The following IGF2BP3 variants were observed in gnomAD, a reference collection of about 807,000 sequenced individuals.
IGF2BP3 encodes insulin like growth factor 2 mRNA binding protein 3.
A neutral mutation model predicts 73.8 loss-of-function variants in IGF2BP3; 9 were observed. The ratio of observed to expected loss-of-function variants is 0.12; its 90% CI spans 0.07 to 0.21. IGF2BP3 has a LOEUF of 0.21. Among genes scored for constraint, IGF2BP3 ranks in the 10% least tolerant of loss-of-function variants. IGF2BP3 has a pLI of 1.00. For synonymous variants in IGF2BP3, 258 were observed against 256.7 expected (o/e 1.01, Z -0.05); for missense variants, 542 against 714.0 (o/e 0.76, Z 2.75).
At chr7:23,320,158 C>A (rs369203945) in intron 10 of IGF2BP3, among the ~76,000 whole-genome samples, 2 of 152,084 alleles carry the variant, frequency 1.3e-5, no homozygotes, top group Admixed American at 6.5e-5. Context: ...ATGATCCACC[C>A]GCCTTGGCCT....
chr7:23,368,878 C>T (rs759377425), intron 3 of IGF2BP3, among the ~76,000 whole-genome samples: 5 of 147,406 alleles, frequency 3.4e-5, no homozygotes, highest in Non-Finnish European at 7.4e-5. Context: ...GCCTGGGCCA[C>T]GAGAGCAAAA....
Position 23,358,295 on chromosome 7 carries a change from T to C in IGF2BP3, c.401+3239A>G, listed in dbSNP as rs574799784. ...CTTTCACAAGTACATCAAGGTCACA[T>C]AGCCTTCCAAACAACAGATGTTACA... On this transcript the variant is annotated intron_variant, in intron 5 of 14. Transcript: ENST00000258729. Among the ~76,000 whole-genome samples, 25 of 152,308 alleles carry C rather than the reference T, an allele frequency of 1.6e-4. No homozygotes were observed. In the South Asian group the frequency reaches 1.7e-3, roughly 10 times the overall value.
intron 2 of IGF2BP3, among the ~76,000 whole-genome samples, chr7:23,453,327 T>C (rs924060798): frequency 6.6e-6 from 1 of 152,208 alleles, no homozygotes; most frequent in African/African-American, 2.4e-5. Context: ...AGATAGGCAA[T>C]TGCAAAATGT....
rs1194713972 is a variant in IGF2BP3, at chr7:23,319,394, C to T, written c.1204-140G>A. ...AGGAAAAGCTACCATAAGAAGTTGACCAGACCTTACCTAATAGGTCAAGAA... is the reference window on the plus strand; with the variant it reads ...AGGAAAAGCTACCATAAGAAGTTGATCAGACCTTACCTAATAGGTCAAGAA... On this transcript the variant is annotated intron_variant, in intron 10 of 14. Coordinates refer to ENST00000258729, the MANE Select transcript of IGF2BP3 (RefSeq NM_006547.3). 4 of 627,032 alleles carry T rather than the reference C, an allele frequency of 6.4e-6. No homozygotes were observed. In the African/African-American group the frequency reaches 7.4e-5, roughly 12 times the overall value. The allele number at this position is 627,032 out of a possible 1,614,324, so 38.8% of individuals were successfully genotyped here.
intron 5 of IGF2BP3, among the ~76,000 whole-genome samples, chr7:23,353,529 G>A (rs2128505550): frequency 6.6e-6 from 1 of 152,256 alleles, no homozygotes; most frequent in East Asian, 1.9e-4. Flanking sequence ...ACCCTCCAAG[G>A]CCCTTCCCAG....
intron 3 of IGF2BP3, among the ~76,000 whole-genome samples, chr7:23,377,332 C>T (rs1347577513): frequency 1.3e-5 from 2 of 152,068 alleles, no homozygotes; most frequent in Admixed American, 1.3e-4. Flanking sequence ...ATAGACATTT[C>T]CTCAAAGAAG....
At chr7:23,438,550 T>C (rs1787857389) in intron 2 of IGF2BP3, among the ~76,000 whole-genome samples, 1 of 152,094 alleles carries the variant, frequency 6.6e-6, no homozygotes, top group African/African-American at 2.4e-5. Flanking sequence ...AAAGATCCAA[T>C]GCATATGATG....
At chr7:23,408,079 A>C (rs1284208994) in intron 3 of IGF2BP3, among the ~76,000 whole-genome samples, 1 of 152,124 alleles carries the variant, frequency 6.6e-6, no homozygotes, top group African/African-American at 2.4e-5. Context: ...GATTGTCAAC[A>C]AACTAGAAAC....
At chr7:23,388,480 A>C (rs1786160054) in intron 3 of IGF2BP3, among the ~76,000 whole-genome samples, 1 of 152,222 alleles carries the variant, frequency 6.6e-6, no homozygotes, top group Non-Finnish European at 1.5e-5. Flanking sequence ...GGAGTTTACA[A>C]ACTCAATTAA....
intron 6 of IGF2BP3, among the ~76,000 whole-genome samples, chr7:23,348,826 G>T (rs1426070054): frequency 6.6e-6 from 1 of 152,172 alleles, no homozygotes; most frequent in African/African-American, 2.4e-5. Context: ...CTAACAGATA[G>T]AAAATTAGAA....
chr7:23,443,137 G>C (rs529350858), intron 2 of IGF2BP3, among the ~76,000 whole-genome samples: 1 of 85,330 alleles, frequency 1.2e-5, no homozygotes, highest in African/African-American at 4.9e-5. Flanking sequence ...TTTTGAGACT[G>C]TGTCTTGCTC....
At chr7:23,444,788 A>AGTTG (rs965182317) in intron 2 of IGF2BP3, among the ~76,000 whole-genome samples, 1 of 151,616 alleles carries the variant, frequency 6.6e-6, no homozygotes, top group Non-Finnish European at 1.5e-5. Context: ...ACAGTGAGGT[A>AGTTG]GTTGGGTTCG....
intron 2 of IGF2BP3, among the ~76,000 whole-genome samples, chr7:23,421,382 A>G (rs1271595733): frequency 1.3e-5 from 2 of 151,954 alleles, no homozygotes; most frequent in Admixed American, 6.6e-5. Flanking sequence ...CACAACTGTT[A>G]TATGTTGCTT....
intron 3 of IGF2BP3, among the ~76,000 whole-genome samples, chr7:23,395,752 C>G (rs1415930888): frequency 6.6e-6 from 1 of 152,096 alleles, no homozygotes; most frequent in Admixed American, 6.6e-5. Flanking sequence ...ATGGTAAAAC[C>G]CTGTCTTTAC....
At chr7:23,352,162 C>G (rs1358083968) in intron 5 of IGF2BP3, among the ~76,000 whole-genome samples, 1 of 151,900 alleles carries the variant, frequency 6.6e-6, no homozygotes, top group Non-Finnish European at 1.5e-5. Context: ...TGAGCCAGTC[C>G]CTGACTTTGT....
chr7:23,397,395 G>T (rs1455175595), intron 3 of IGF2BP3, among the ~76,000 whole-genome samples: 2 of 152,218 alleles, frequency 1.3e-5, no homozygotes, highest in Non-Finnish European at 2.9e-5. Context: ...GTTGTCAACT[G>T]TCAGTGTCAA....
Position 23,438,110 on chromosome 7 carries a change from G to T in IGF2BP3, c.237-19286C>A, listed in dbSNP as rs139737195. The stretch of plus-strand genomic sequence containing the variant: ...CCTGGAGGAAACACTAGAAATTATC[G>T]AACTTACTTTCAAATTTTAATTTTT... On this transcript the variant is annotated intron_variant, in intron 2 of 14. Transcript: ENST00000258729. Among the ~76,000 whole-genome samples the T allele has an allele frequency of 4.6e-5, 7 of 152,028 alleles. No homozygotes were observed. In the South Asian group the frequency reaches 1.5e-3, roughly 32 times the overall value.
chr7:23,326,635 T>C (rs1366956784), intron 10 of IGF2BP3, among the ~76,000 whole-genome samples: 11 of 150,214 alleles, frequency 7.3e-5, no homozygotes, highest in Non-Finnish European at 1.6e-4. Flanking sequence ...TATTGCGGCA[T>C]TATTCACAAT....
intron 3 of IGF2BP3, among the ~76,000 whole-genome samples, chr7:23,392,451 T>TATACAC (rs367599162): frequency 2.9e-4 from 42 of 144,252 alleles, no homozygotes; most frequent in African/African-American, 1.1e-3. Context: ...TATATATATA[T>TATACAC]ACACACACAC....
Sources: allele counts gnomAD v4.1 joint callset (sites outside exome capture counted in the v4.1 genomes callset), GRCh38; gene constraint gnomAD v4.1.1; transcripts MANE v1.5; gene names NCBI Gene and HGNC (gene_info 2026-07-23, HGNC 2026-07-21).